Variants in CDK11B observed in about 807,000 individuals in gnomAD.
CDK11B encodes cyclin dependent kinase 11B.
In CDK11B, 37 loss-of-function variants were observed where a neutral mutation model predicts 84.0. The observed-to-expected ratio is 0.44, with a 90% CI of 0.34 to 0.58. CDK11B has a LOEUF of 0.58. Among genes scored for constraint, CDK11B ranks in the 20% least tolerant of loss-of-function variants. CDK11B has a pLI of 0.02. For missense variants in CDK11B, 427 were observed against 834.0 expected (o/e 0.51, Z 6.01); for synonymous variants, 269 against 309.8 (o/e 0.87, Z 1.38).
intron 11 of CDK11B, 22 bp downstream of exon 11, chr1:1,640,255 C>G (rs28394074): frequency 1.2e-6 from 2 of 1,611,166 alleles, no homozygotes; most frequent in African/African-American, 1.3e-5. Context: ...GACAGTGGCC[C>G]GGGGCGAGGG....
Position 1,637,072 on chromosome 1 carries a change from G to A in CDK11B, c.1692+9C>T, listed in dbSNP as rs1410610166. On this transcript the variant is annotated intron_variant, in intron 15 of 19. Transcript: ENST00000341832. The stretch of plus-strand genomic sequence containing the variant: ...CTCCCTGGGATGGGCCACTCGGAGG[G>A]GGGCTCACCTTGAGGATGCCGGCGT... 3.7e-6 allele frequency: 6 copies of A among 1,613,550 alleles called. No homozygotes were observed. The highest frequency in any genetic ancestry group is 1.3e-5 in the African/African-American group (1 of 75,022).
chr1:1,637,804 G>A lies in CDK11B; in HGVS notation c.1422C>T (p.Asn474=). 1 of 1,613,780 alleles carries A rather than the reference G, an allele frequency of 6.2e-7. No individual in the cohort carries two copies. Among genetic ancestry groups the A allele is most frequent in the Non-Finnish European group, 8.5e-7 (1 of 1,179,702 alleles). ...GFPITSLREI[N]TILKAQHPNI... is the part of the protein sequence containing the mutation. Reference sequence around the variant, plus strand: ...TGGGATGCTGGGCCTTGAGGATGGTGTTGATCTCCCTCAGCGACGTGATCG... The same window carrying A: ...TGGGATGCTGGGCCTTGAGGATGGTATTGATCTCCCTCAGCGACGTGATCG... Residue 474 remains asparagine (N), a synonymous_variant, in exon 13 of 20, where the codon AAC becomes AAT. Transcript: ENST00000341832.
At chr1:1,652,362 TG>T in intron 4 of CDK11B, 76 bp downstream of exon 4, 1 of 1,232,384 alleles carries the variant, frequency 8.1e-7, no homozygotes. Flanking sequence ...AGTGGTGCTC[TG>T]GGGAAGGCAG....
At chr1:1,649,954 CAAA>C (rs1294913578) in intron 4 of CDK11B, among the ~76,000 whole-genome samples, 2 of 87,472 alleles carry the variant, frequency 2.3e-5, no homozygotes, top group African/African-American at 5.1e-5. Context: ...ACAGCCTGGG[CAAA>C]AAAAAAAAAA....
rs371151588 is a variant in CDK11B at position 1,640,436 on chromosome 1, G to A, written c.1092C>T (p.Phe364=). 4.1e-4 allele frequency: 662 copies of A among 1,613,688 alleles called. 1 individual carries two copies. In the African/African-American group the frequency reaches 7.0e-3, roughly 17 times the overall value. ...CTTCACTCTCCCCGGAATCTCGGTCGAACCGTGACTCTGGAACTGGAAAAG... is the reference window on the plus strand; with the variant it reads ...CTTCACTCTCCCCGGAATCTCGGTCAAACCGTGACTCTGGAACTGGAAAAG... ...NHLLVVPESR[F]DRDSGESEEA... Residue 364 remains phenylalanine, a synonymous_variant, in exon 11 of 20, where the codon TTC becomes TTT. Coordinates refer to ENST00000341832, the MANE Select transcript of CDK11B (RefSeq NM_033486.3).
intron 12 of CDK11B, among the ~76,000 whole-genome samples, 153 bp downstream of exon 12, chr1:1,638,347 G>C (rs1423795612): frequency 2.0e-5 from 3 of 152,232 alleles, no homozygotes; most frequent in African/African-American, 7.2e-5. Context: ...CAAAGCCCCA[G>C]GGCCAGGCTG....
At chr1:1,645,527 G>GC (rs1557690088) in intron 5 of CDK11B, 1 of 389,542 alleles carries the variant, frequency 2.6e-6, no homozygotes, top group African/African-American at 2.2e-5. Flanking sequence ...ACAGGCGTGC[G>GC]CCCTGTACTC....
chr1:1,646,641 T>C (rs1238689927), intron 5 of CDK11B: 5 of 517,170 alleles, frequency 9.7e-6, no homozygotes, highest in African/African-American at 9.7e-5. Context: ...CAAGTTACCG[T>C]CTGGTGTCAT....
chr1:1,636,696 T>A lies in CDK11B; in HGVS notation c.1903A>T (p.Asn635Tyr). The A allele has an allele frequency of 1.2e-6, 2 of 1,613,992 alleles. No homozygotes were observed. The highest frequency in any genetic ancestry group is 1.7e-5 in the Admixed American group (1 of 60,028). Residue 635 changes from asparagine (N) to tyrosine (Y), a missense_variant, in exon 17 of 20, where the codon AAC (asparagine) becomes TAC (tyrosine). Transcript: ENST00000341832. ...GCCAGACCCACCTTGAACACCTTGT[T>A]GATCTGATCGATTTCTGACTTCCCG... The part of the protein sequence containing the change: ...FPGKSEIDQI[N>Y]KVFKDLGTPS...
intron 4 of CDK11B, among the ~76,000 whole-genome samples, chr1:1,652,040 G>C (rs1642086181): frequency 6.6e-6 from 1 of 151,942 alleles, no homozygotes; most frequent in Admixed American, 6.6e-5. Flanking sequence ...TTTTTGGTCT[G>C]TGACACACGC....
At chr1:1,650,222 A>G (rs1293906190) in intron 4 of CDK11B, among the ~76,000 whole-genome samples, 3 of 134,962 alleles carry the variant, frequency 2.2e-5, no homozygotes, top group Non-Finnish European at 4.7e-5. Context: ...GTGAGCTGAG[A>G]TTGCGCCACT....
At position 1,655,587 on chromosome 1, in the gene CDK11B, C is replaced by G; in HGVS notation, c.112-103G>C. 5 of 1,435,062 alleles carry G rather than the reference C, an allele frequency of 3.5e-6. No individual in the cohort carries two copies. The Admixed American group carries it at 1.3e-4, about 36-fold the overall frequency. The allele number at this position is 1,435,062 out of a possible 1,614,324, so 88.9% of individuals were successfully genotyped here. A position where few individuals can be genotyped will look rare whatever the true frequency, so the allele number is the denominator to read the frequency against. ...ATCAAACCTGGGCAACATCCCAAAA[C>G]AAACTTTCATATATACTCTGAATGA... On this transcript the variant is annotated intron_variant, in intron 2 of 19. Transcript: ENST00000341832.
At chr1:1,656,509 G>C (rs112392696) in intron 2 of CDK11B, among the ~76,000 whole-genome samples, 3 of 151,930 alleles carry the variant, frequency 2.0e-5, no homozygotes, top group African/African-American at 7.2e-5. Context: ...AAAAAAGGCC[G>C]GGCGCGGAGG....
intron 2 of CDK11B, among the ~76,000 whole-genome samples, chr1:1,656,722 G>A (rs1456578434): frequency 6.6e-6 from 1 of 152,112 alleles, no homozygotes; most frequent in Non-Finnish European, 1.5e-5. Context: ...CCCGGCCCTG[G>A]GCGACAGTGC....
rs1639277212 is a variant in CDK11B at position 1,636,337 on chromosome 1, T to G, written c.2062A>C (p.Asn688His). The G allele has an allele frequency of 6.4e-7, 1 of 1,569,866 alleles. No individual in the cohort carries two copies. Among genetic ancestry groups the G allele is most frequent in the Non-Finnish European group, 8.6e-7 (1 of 1,158,052 alleles). Residue 688 changes from asparagine (N) to histidine (H), a missense_variant, in exon 18 of 20, where the codon AAC (asparagine) becomes CAC (histidine). Transcript: ENST00000341832. The part of the protein sequence containing the change: ...LLSDQGFDLM[N>H]KFLTYFPGRR... The stretch of plus-strand genomic sequence containing the variant: ...ACCCGGCTGCACTGGGCTCACTTGT[T>G]CATGAGGTCGAAGCCCTGGTCTGAG...
intron 4 of CDK11B, among the ~76,000 whole-genome samples, chr1:1,651,668 G>A (rs1382593365): frequency 4.0e-5 from 6 of 151,070 alleles, no homozygotes; most frequent in African/African-American, 7.3e-5. Context: ...TGTGACACAC[G>A]CATGCTTTCA....
chr1:1,646,031 T>C (rs755191732), intron 5 of CDK11B: 1 of 481,246 alleles, frequency 2.1e-6, no homozygotes, highest in Admixed American at 2.2e-5. Flanking sequence ...GGTTTCACCA[T>C]GTTGGCCAGG....
At chr1:1,645,669 TG>T (rs1163296312) in intron 5 of CDK11B, 2 of 336,316 alleles carry the variant, frequency 5.9e-6, no homozygotes, top group African/African-American at 4.4e-5. Context: ...CGAGCCACCG[TG>T]CCCAGCTGCC....
Position 1,640,398 on chromosome 1 carries a change from T to A in CDK11B, c.1130A>T (p.Glu377Val). 6.2e-7 allele frequency: 1 copy of A among 1,613,610 alleles called. No homozygotes were observed. The highest frequency in any genetic ancestry group is 1.1e-5 in the South Asian group (1 of 91,066). ...DSGESEEAEEEVGEGTPQSSA... is the reference protein window; with the variant it reads ...DSGESEEAEEVVGEGTPQSSA... ...GCTCTGCGGCGTTCCCTCACCCACT[T>A]CTTCCTCTGCTTCTTCACTCTCCCC... Residue 377 changes from glutamate (E) to valine (V), a missense_variant, in exon 11 of 20, where the codon GAA (glutamate) becomes GTA (valine). This residue lies in a region of CDK11B where 43 missense variants were observed against 61.8 expected (regional missense o/e 0.70). Transcript: ENST00000341832.
Sources: gnomAD v4.1 joint callset for allele counts (sites outside exome capture counted in the v4.1 genomes callset) on GRCh38, gnomAD v4.1.1 for gene constraint, gnomAD v4.1.1 regional missense constraint, MANE v1.5 for transcripts, NCBI Gene and HGNC (gene_info 2026-07-23, HGNC 2026-07-21) for gene names.